The following ARMC9 variants were observed in gnomAD, a reference collection of about 807,000 sequenced individuals.
The protein encoded by ARMC9 is armadillo repeat containing 9, also known as lisH domain-containing protein ARMC9.
ARMC9 carries 94 observed loss-of-function variants against 107.0 expected under a neutral mutation model. The observed-to-expected ratio is 0.88, with a 90% confidence interval of 0.74 to 1.04. The LOEUF is 1.04. Ranked by LOEUF, ARMC9 falls within the 50% of genes least tolerant of loss-of-function variation. The probability of loss-of-function intolerance (pLI) is 0.00; values close to 1 mark genes in which losing one functional copy is unlikely to be tolerated. For synonymous variants in ARMC9, 380 were observed against 396.9 expected (o/e 0.96, Z 0.51); for missense variants, 942 against 1,030.1 (o/e 0.91, Z 1.17).
chr2:231,295,565 A>C (rs1342205876), intron 18 of ARMC9: 2 of 152,276 alleles, frequency 1.3e-5, no homozygotes, highest in African/African-American at 4.8e-5. Context: ...CCCATTCTAC[A>C]GAGGAGGAAG....
At chr2:231,205,201 TA>T (rs769562866) in intron 1 of ARMC9, among the ~76,000 whole-genome samples, 2,055 of 129,358 alleles carry the variant, frequency 0.016, 22 homozygotes, top group Non-Finnish European at 0.017. Flanking sequence ...TGTCTCTACT[TA>T]AAAAAAAAAA....
chr2:231,288,584 T>C (rs1195937422), intron 17 of ARMC9: 1 of 470,042 alleles, frequency 2.1e-6, no homozygotes, highest in Non-Finnish European at 4.4e-6. Flanking sequence ...AGTTCGAAGT[T>C]AGTTGTTCTG....
At chr2:231,339,353 A>G (rs2044351157) in intron 20 of ARMC9, among the ~76,000 whole-genome samples, 1 of 152,126 alleles carries the variant, frequency 6.6e-6, no homozygotes, top group Admixed American at 6.5e-5. Flanking sequence ...AATTATATGT[A>G]TTTTTAAAAG....
chr2:231,276,743 CTT>C lies in ARMC9; in HGVS notation c.1444_1445del (p.Leu482AlafsTer32). On this transcript the variant is annotated frameshift_variant, in exon 15 of 25. Transcript: ENST00000611582. LOFTEE classifies it high-confidence loss of function. The stretch of plus-strand genomic sequence containing the variant: ...GACTACACGCTGGAGTACTCGGTGG[CTT>C]TGCTCATGAACCTCTGCCTCCGCAG... 6.2e-7 allele frequency: 1 copy of C among 1,614,148 alleles called. No individual in the cohort carries two copies. Among genetic ancestry groups the C allele is most frequent in the African/African-American group, 1.3e-5 (1 of 75,032 alleles).
chr2:231,317,237 C>T lies in ARMC9; in HGVS notation c.1774-14556C>T, dbSNP rs138182942. ...CCAGGCTGGAGCTCAATGGCGCAAT[C>T]GTGGCTCACTGCAACCTCCGCCTCC... On this transcript the variant is annotated intron_variant, in intron 19 of 24. Transcript: ENST00000611582. 1.0e-3 allele frequency among the ~76,000 whole-genome samples: 153 copies of T among 151,956 alleles called. 1 individual carries two copies. The highest frequency in any genetic ancestry group is 3.3e-3 in the African/African-American group (138 of 41,416).
chr2:231,235,291 G>A lies in ARMC9; in HGVS notation c.690G>A (p.Arg230=). Residue 230 remains arginine, a synonymous_variant, in exon 8 of 25, where the codon CGG becomes CGA. Transcript: ENST00000611582. ...AERRSVTYLK[R]YNKIQADYHN... Reference sequence around the variant, plus strand: ...GTAGGTCAGTGACATACCTCAAACGGTACAATAAGATCCAGGCCGACTACC... The same window carrying A: ...GTAGGTCAGTGACATACCTCAAACGATACAATAAGATCCAGGCCGACTACC... The A allele has an allele frequency of 1.2e-6, 2 of 1,614,166 alleles. No individual in the cohort carries two copies. Among genetic ancestry groups the A allele is most frequent in the South Asian group, 1.1e-5 (1 of 91,064 alleles).
At chr2:231,233,701 GGGAGGC>G (rs2035457088) in intron 7 of ARMC9, among the ~76,000 whole-genome samples, 1 of 151,988 alleles carries the variant, frequency 6.6e-6, no homozygotes, top group Admixed American at 6.6e-5. Context: ...GCTTGAACCC[GGGAGGC>G]GGAGGTTGCA....
chr2:231,250,009 G>A (rs2037152340), intron 9 of ARMC9, among the ~76,000 whole-genome samples: 1 of 151,130 alleles, frequency 6.6e-6, no homozygotes, highest in Admixed American at 6.6e-5. Context: ...CACCTCCACG[G>A]GAGGGAGACC....
In ARMC9 at chr2:231,374,173, C is replaced by G. The variant is rs1322793503; in HGVS notation, c.*2638C>G. The G allele has an allele frequency of 6.6e-6, 1 of 152,132 alleles. No individual in the cohort carries two copies. Among genetic ancestry groups the G allele is most frequent in the Non-Finnish European group, 1.5e-5 (1 of 68,042 alleles). The allele number at this position is 152,132 out of a possible 1,614,324, so 9.4% of individuals were successfully genotyped here. On this transcript the variant is annotated 3_prime_UTR_variant, in exon 25 of 25. Coordinates refer to ENST00000611582, the MANE Select transcript of ARMC9 (RefSeq NM_001352754.2). ...GAAAGAATCTAAAACACAAGTAAAC[C>G]TGTTTAAAGGCCAGATCTCCAGATG...
chr2:231,213,697 G>A (rs759510916), intron 3 of ARMC9, among the ~76,000 whole-genome samples: 6 of 151,832 alleles, frequency 4.0e-5, no homozygotes, highest in Non-Finnish European at 5.9e-5. Context: ...GGCTGGTCTC[G>A]AACTCCTGAC....
Position 231,226,802 on chromosome 2 carries a change from AATC to A in ARMC9, c.622+8_622+10del. On this transcript the variant is annotated splice_donor_5th_base_variant and intron_variant, in intron 7 of 24. Coordinates refer to ENST00000611582, the MANE Select transcript of ARMC9 (RefSeq NM_001352754.2). ...GAGAATGGACAAAGTAACAAAGGTA[AATC>A]ATCTAGATTTAAATTTGTCTAAGAA... The A allele has an allele frequency of 6.2e-7, 1 of 1,613,292 alleles. No homozygotes were observed. The highest frequency in any genetic ancestry group is 1.1e-5 in the South Asian group (1 of 91,058).
intron 16 of ARMC9, 61 bp downstream of exon 16, chr2:231,278,519 G>C (rs2125446912): frequency 6.1e-6 from 9 of 1,481,446 alleles, no homozygotes; most frequent in Non-Finnish European, 8.5e-6. Context: ...CCCAATGCCT[G>C]TGACCCCACA....
rs958681653 is a variant in ARMC9 at position 231,372,745 on chromosome 2, TGTGTGTGTGTATGA to T, written c.*1215_*1228del. On this transcript the variant is annotated 3_prime_UTR_variant, in exon 25 of 25. Transcript: ENST00000611582. ...GTGTGTGTGTGTGTGTGTGTGTGTG[TGTGTGTGTGTATGA>T]GTGTATGAAGGGAAATGGAAAGCAG... is the stretch of plus-strand genomic sequence containing the variant. 3.1e-5 allele frequency: 3 copies of T among 96,020 alleles called. No individual in the cohort carries two copies. In the African/African-American group the frequency reaches 3.4e-4, roughly 11 times the overall value. The allele number at this position is 96,020 out of a possible 1,614,324, so 5.9% of individuals were successfully genotyped here.
Position 231,248,807 on chromosome 2 carries a change from A to AC in ARMC9, c.880-7779_880-7778insC, listed in dbSNP as rs1491300150. Among the ~76,000 whole-genome samples, 151 of 77,106 alleles carry AC rather than the reference A, an allele frequency of 2.0e-3. 1 individual carries two copies. The highest frequency in any genetic ancestry group is 5.6e-3 in the African/African-American group (122 of 21,852). 50.6% of individuals were successfully genotyped at this position (77,106 alleles called of 152,430 possible). ...GGGCAACAGAACGAGGTTCTGTCTC[A>AC]AAAAAAAAAAAAAAAAAAAAAAAAA... On this transcript the variant is annotated intron_variant, in intron 9 of 24. Transcript: ENST00000611582.
chr2:231,262,368 T>A lies in ARMC9; in HGVS notation c.1089T>A (p.Asn363Lys), dbSNP rs372539616. 1.5e-5 allele frequency: 24 copies of A among 1,614,058 alleles called. No individual in the cohort carries two copies. The highest frequency in any genetic ancestry group is 2.0e-5 in the Non-Finnish European group (24 of 1,180,020). ...RETVLQAYIS[N>K]DLLDCYSHNQ... ...CCGTTCTGCAAGCCTACATCAGCAA[T>A]GACCTCTTGGACTGTTATAGCCACA... Residue 363 changes from asparagine to lysine, a missense_variant, in exon 12 of 25, where the codon AAT becomes AAA. Physicochemically the swap from Asn to Lys is moderately conservative, Grantham distance 94. Transcript: ENST00000611582.
intron 21 of ARMC9, 50 bp from the exon 22 acceptor site, chr2:231,355,748 G>C: frequency 6.7e-7 from 1 of 1,499,276 alleles, no homozygotes; most frequent in African/African-American, 1.4e-5. Flanking sequence ...TCGGCAGTCC[G>C]AATCTCCTGG....
At chr2:231,366,183 G>C (rs1461549253) in intron 23 of ARMC9, among the ~76,000 whole-genome samples, 1 of 152,214 alleles carries the variant, frequency 6.6e-6, no homozygotes, top group Admixed American at 6.5e-5. Flanking sequence ...AAGGCCATCA[G>C]TTGGCAGAAC....
At chr2:231,260,493 T>C (rs2038230902) in intron 11 of ARMC9, among the ~76,000 whole-genome samples, 1 of 152,184 alleles carries the variant, frequency 6.6e-6, no homozygotes, top group Non-Finnish European at 1.5e-5. Flanking sequence ...TCCTTAGCAA[T>C]TTCCCATCTG....
At chr2:231,326,875 G>A (rs905750860) in intron 19 of ARMC9, among the ~76,000 whole-genome samples, 1 of 152,222 alleles carries the variant, frequency 6.6e-6, no homozygotes, top group Non-Finnish European at 1.5e-5. Flanking sequence ...GTGTCAAGGA[G>A]CCAATTATAG....
Sources: allele counts gnomAD v4.1 joint callset (sites outside exome capture counted in the v4.1 genomes callset), GRCh38; gene constraint gnomAD v4.1.1; transcripts MANE v1.5; gene names NCBI Gene and HGNC (gene_info 2026-07-23, HGNC 2026-07-21).